MARCHF6: variants seen among roughly 807,000 people sequenced by gnomAD.
The protein encoded by MARCHF6 is membrane associated ring-CH-type finger 6, also known as E3 ubiquitin-protein ligase MARCHF6.
In MARCHF6, 31 loss-of-function variants were observed where a neutral mutation model predicts 133.7. The observed-to-expected ratio is 0.23, with a 90% confidence interval of 0.17 to 0.31. The LOEUF (loss-of-function observed/expected upper bound fraction) is 0.31, where lower values mean the gene tolerates loss of function less well. Ranked by LOEUF, MARCHF6 falls within the 10% of genes least tolerant of loss-of-function variation. MARCHF6 has a pLI of 1.00. For missense variants in MARCHF6, 723 were observed against 1,121.6 expected, an observed-to-expected ratio of 0.64 and a Z score of 5.08; for synonymous variants, 395 against 402.5, an observed-to-expected ratio of 0.98 and a Z score of 0.22.
chr5:10,399,442 G>A (rs1048461654), intron 10 of MARCHF6, among the ~76,000 whole-genome samples: 11 of 151,944 alleles, frequency 7.2e-5, no homozygotes, highest in African/African-American at 2.4e-4. Context: ...TCATGATTGA[G>A]TTTCCCACTC....
intron 1 of MARCHF6, among the ~76,000 whole-genome samples, chr5:10,366,259 A>G (rs1736134394): frequency 6.6e-6 from 1 of 152,214 alleles, no homozygotes; most frequent in Admixed American, 6.5e-5. Context: ...TATACATTCC[A>G]TATAGTGAAT....
Position 10,435,667 on chromosome 5 carries a change from A to AAC in MARCHF6, c.*1983_*1984insAC, listed in dbSNP as rs1740604886. The AAC allele has an allele frequency of 4.3e-4, 3 of 7,038 alleles. No individual in the cohort carries two copies. In the East Asian group the frequency reaches 0.02, roughly 46 times the overall value. The allele number at this position is 7,038 out of a possible 1,614,324, so 0.4% of individuals were successfully genotyped here. A position where few individuals can be genotyped will look rare whatever the true frequency, so the allele number is the denominator to read the frequency against. ...TATATATATATATATATATATATAT[A>AAC]TATATATATATATATATATATATAT... On this transcript the variant is annotated 3_prime_UTR_variant, in exon 26 of 26. Transcript: ENST00000274140.
rs1182484691 is a variant in MARCHF6, at chr5:10,436,592, T to C, written c.*2908T>C. Reference sequence around the variant, plus strand: ...TTGTTTTATTTTTACTATTTATATATAGAAGACAAATCAGCATTTGGTGAT... The same window carrying C: ...TTGTTTTATTTTTACTATTTATATACAGAAGACAAATCAGCATTTGGTGAT... On this transcript the variant is annotated 3_prime_UTR_variant, in exon 26 of 26. Transcript: ENST00000274140. 6.6e-6 allele frequency: 1 copy of C among 152,206 alleles called. No homozygotes were observed. Among genetic ancestry groups the C allele is most frequent in the South Asian group, 2.1e-4 (1 of 4,828 alleles). The allele number at this position is 152,206 out of a possible 1,614,324, so 9.4% of individuals were successfully genotyped here.
Position 10,415,473 on chromosome 5 carries a change from C to T in MARCHF6, c.1967-15C>T, listed in dbSNP as rs759630873. The T allele has an allele frequency of 1.9e-5, 31 of 1,602,432 alleles. No homozygotes were observed. Among genetic ancestry groups the T allele is most frequent in the Admixed American group, 6.7e-5 (4 of 59,658 alleles). On this transcript the variant is annotated splice_polypyrimidine_tract_variant and intron_variant, in intron 20 of 25. Coordinates refer to ENST00000274140, the MANE Select transcript of MARCHF6 (RefSeq NM_005885.4). ...CCTAGCCACATGTCTCATTTATCAG[C>T]TTTTCTATTTTCAGTATTTGCTGGC... is the stretch of plus-strand genomic sequence containing the variant.
rs1267189763 is a variant in MARCHF6 at position 10,438,462 on chromosome 5, T to C, written c.*4778T>C. On this transcript the variant is annotated 3_prime_UTR_variant, in exon 26 of 26. Transcript: ENST00000274140. ...ATCTTTAATCTGTGAAGCTGAAATTTTTCAGCAAAGGAAATTGCATGGTCA... is the reference window on the plus strand; with the variant it reads ...ATCTTTAATCTGTGAAGCTGAAATTCTTCAGCAAAGGAAATTGCATGGTCA... 6.6e-6 allele frequency: 1 copy of C among 152,190 alleles called. No homozygotes were observed. Among genetic ancestry groups the C allele is most frequent in the East Asian group, 1.9e-4 (1 of 5,198 alleles). 9.4% of individuals were successfully genotyped at this position (152,190 alleles called of 1,614,324 possible). A position where few individuals can be genotyped will look rare whatever the true frequency, so the allele number is the denominator to read the frequency against.
At chr5:10,373,756 A>T (rs1437858520) in intron 1 of MARCHF6, among the ~76,000 whole-genome samples, 4 of 152,140 alleles carry the variant, frequency 2.6e-5, no homozygotes, top group African/African-American at 9.7e-5. Flanking sequence ...AGGGAGCCCA[A>T]ACCCTATGCC....
chr5:10,396,596 C>T (rs1457506066), intron 9 of MARCHF6, among the ~76,000 whole-genome samples: 2 of 151,976 alleles, frequency 1.3e-5, no homozygotes, highest in Non-Finnish European at 2.9e-5. Flanking sequence ...TTGATGGTTG[C>T]GGGGAAGGTT....
Position 10,374,134 on chromosome 5 carries a change from C to T in MARCHF6, c.20-3664C>T, listed in dbSNP as rs1736629609. Among the ~76,000 whole-genome samples the T allele has an allele frequency of 2.6e-5, 4 of 152,116 alleles. No homozygotes were observed. In the South Asian group the frequency reaches 8.3e-4, roughly 32 times the overall value. ...TTAATACCCTATCTAAAGAATGCAGCAGGCGCACAAATTACCCACTCCCAA... is the reference window on the plus strand; with the variant it reads ...TTAATACCCTATCTAAAGAATGCAGTAGGCGCACAAATTACCCACTCCCAA... On this transcript the variant is annotated intron_variant, in intron 1 of 25. Transcript: ENST00000274140.
intron 6 of MARCHF6, 81 bp downstream of exon 6, chr5:10,390,581 C>A: frequency 7.8e-7 from 1 of 1,278,894 alleles, no homozygotes; most frequent in Non-Finnish European, 1.1e-6. Flanking sequence ...AAACTCTTGA[C>A]TTCCATGTCC....
chr5:10,418,524 A>G (rs1163005696), intron 22 of MARCHF6, among the ~76,000 whole-genome samples: 2 of 152,192 alleles, frequency 1.3e-5, no homozygotes, highest in African/African-American at 2.4e-5. Context: ...TAAGATCTCA[A>G]GTTCTTAGTA....
intron 22 of MARCHF6, 31 bp downstream of exon 22, chr5:10,417,435 C>T (rs1250238582): frequency 1.2e-6 from 2 of 1,611,524 alleles, no homozygotes; most frequent in Non-Finnish European, 1.7e-6. Context: ...CATGTTATTT[C>T]ATTAAGGATT....
intron 4 of MARCHF6, among the ~76,000 whole-genome samples, chr5:10,382,800 C>T (rs979216944): frequency 6.6e-6 from 1 of 152,124 alleles, no homozygotes; most frequent in Non-Finnish European, 1.5e-5. Context: ...GCATTCCAGC[C>T]TGGGCAACGG....
chr5:10,399,673 C>A (rs924331671), intron 10 of MARCHF6, among the ~76,000 whole-genome samples: 1 of 152,114 alleles, frequency 6.6e-6, no homozygotes, highest in Non-Finnish European at 1.5e-5. Context: ...TCCTAATAAT[C>A]CATCATATTC....
rs886261385 is a variant in MARCHF6, at chr5:10,436,498, A to T, written c.*2814A>T. On this transcript the variant is annotated 3_prime_UTR_variant, in exon 26 of 26. Transcript: ENST00000274140. Reference sequence around the variant, plus strand: ...CATAAATTTTTTTTTAAATTATACTATTATTTTGCTTAATTTTATATTGGG... The same window carrying T: ...CATAAATTTTTTTTTAAATTATACTTTTATTTTGCTTAATTTTATATTGGG... 1 of 152,052 alleles carries T rather than the reference A, an allele frequency of 6.6e-6. No homozygotes were observed. The highest frequency in any genetic ancestry group is 1.5e-5 in the Non-Finnish European group (1 of 68,008). The allele number at this position is 152,052 out of a possible 1,614,324, so 9.4% of individuals were successfully genotyped here.
At chr5:10,359,928 C>A (rs1735709554) in intron 1 of MARCHF6, among the ~76,000 whole-genome samples, 1 of 151,824 alleles carries the variant, frequency 6.6e-6, no homozygotes, top group Non-Finnish European at 1.5e-5. Flanking sequence ...ATGGCGTGAA[C>A]GTGGGAGGCG....
At chr5:10,422,962 T>A (rs1739901348) in intron 22 of MARCHF6, among the ~76,000 whole-genome samples, 1 of 152,098 alleles carries the variant, frequency 6.6e-6, no homozygotes, top group South Asian at 2.1e-4. Flanking sequence ...AAGATTTTGG[T>A]TTTATGTAAG....
intron 3 of MARCHF6, among the ~76,000 whole-genome samples, chr5:10,380,008 A>G (rs937356729): frequency 2.0e-5 from 3 of 152,162 alleles, no homozygotes; most frequent in African/African-American, 7.2e-5. Flanking sequence ...GGTTTTAACT[A>G]TGATTCCTGT....
chr5:10,381,196 G>A (rs1323905141), intron 3 of MARCHF6, among the ~76,000 whole-genome samples: 1 of 152,166 alleles, frequency 6.6e-6, no homozygotes, highest in African/African-American at 2.4e-5. Flanking sequence ...AAATGTGGCA[G>A]AACTTTTCTT....
At position 10,435,434 on chromosome 5, in the gene MARCHF6, A is replaced by G. The variant is rs1740559994; in HGVS notation, c.*1750A>G. ...AATGCTTGACATAGGATTCAGTGTT[A>G]TACTCTTTGGCACTTTAGAGCAGCC... On this transcript the variant is annotated 3_prime_UTR_variant, in exon 26 of 26. Coordinates refer to ENST00000274140, the MANE Select transcript of MARCHF6 (RefSeq NM_005885.4). 1 of 150,564 alleles carries G rather than the reference A, an allele frequency of 6.6e-6. No homozygotes were observed. The highest frequency in any genetic ancestry group is 2.4e-5 in the African/African-American group (1 of 40,970). 9.3% of individuals were successfully genotyped at this position (150,564 alleles called of 1,614,324 possible).
Sources: gnomAD v4.1 joint callset for allele counts (sites outside exome capture counted in the v4.1 genomes callset) on GRCh38, gnomAD v4.1.1 for gene constraint, MANE v1.5 for transcripts, NCBI Gene and HGNC (gene_info 2026-07-23, HGNC 2026-07-21) for gene names.